The following ARHGEF10L variants were observed in gnomAD, a reference collection of about 807,000 sequenced individuals.
ARHGEF10L encodes rho guanine nucleotide exchange factor 10-like protein.
Under a neutral mutation model 141.2 loss-of-function variants are expected in ARHGEF10L, and 69 were observed. The observed-to-expected ratio is 0.49, with a 90% CI of 0.40 to 0.60. ARHGEF10L has a LOEUF of 0.60. Ranked by LOEUF, ARHGEF10L falls within the 20% of genes least tolerant of loss-of-function variation. The pLI is 0.00. For missense variants in ARHGEF10L, 1,482 were observed against 1,734.3 expected (o/e 0.85, Z 2.58); for synonymous variants, 711 against 718.5 (o/e 0.99, Z 0.17).
At chr1:17,675,061 G>C (rs535120916) in intron 26 of ARHGEF10L, among the ~76,000 whole-genome samples, 3 of 152,302 alleles carry the variant, frequency 2.0e-5, no homozygotes, top group African/African-American at 4.8e-5. Context: ...GCAATGTCCA[G>C]TTGGGAGCTG....
intron 1 of ARHGEF10L, among the ~76,000 whole-genome samples, chr1:17,559,226 T>C (rs2077456337): frequency 6.6e-6 from 1 of 152,246 alleles, no homozygotes; most frequent in Non-Finnish European, 1.5e-5. Context: ...CTATCTCATA[T>C]GGCTGTTGGG....
In ARHGEF10L at chr1:17,639,438, G is replaced by A. The variant is rs1226455053; in HGVS notation, c.2171+749G>A. Among the ~76,000 whole-genome samples, 2 of 152,208 alleles carry A rather than the reference G, an allele frequency of 1.3e-5. No individual in the cohort carries two copies. Among genetic ancestry groups the A allele is most frequent in the African/African-American group, 4.8e-5 (2 of 41,454 alleles). ...AGTGGCTGCAAGGAAGAGAAGGTTGGAGCACTATCATTTGAGGTAGGACCA... is the reference window on the plus strand; with the variant it reads ...AGTGGCTGCAAGGAAGAGAAGGTTGAAGCACTATCATTTGAGGTAGGACCA... On this transcript the variant is annotated intron_variant, in intron 20 of 28. Transcript: ENST00000361221. The surrounding 1 kb of genome is among the most constrained non-coding windows in gnomAD (Gnocchi z 4.3).
intron 19 of ARHGEF10L, among the ~76,000 whole-genome samples, chr1:17,638,307 G>A (rs11577701): frequency 0.12 from 18,594 of 152,242 alleles, 1,367 homozygotes; most frequent in African/African-American, 0.18. Flanking sequence ...CCTCTACCCA[G>A]TGTGGAGGGG....
In ARHGEF10L at chr1:17,697,431, C is replaced by A; in HGVS notation, c.*51C>A. ...ACAGCTGCAGGCCTGACCAAGGCCA[C>A]GCCCGGCTCTCGTGCTCTAGGACCT... is the stretch of plus-strand genomic sequence containing the variant. On this transcript the variant is annotated 3_prime_UTR_variant, in exon 29 of 29. Coordinates refer to ENST00000361221, the MANE Select transcript of ARHGEF10L (RefSeq NM_018125.4). The surrounding 1 kb of genome is among the most constrained non-coding windows in gnomAD (Gnocchi z 4.8). 1 of 1,533,036 alleles carries A rather than the reference C, an allele frequency of 6.5e-7. No homozygotes were observed. 95.0% of individuals were successfully genotyped at this position (1,533,036 alleles called of 1,614,324 possible).
intron 1 of ARHGEF10L, among the ~76,000 whole-genome samples, chr1:17,579,487 C>T (rs1278620605): frequency 6.6e-6 from 1 of 152,192 alleles, no homozygotes; most frequent in Non-Finnish European, 1.5e-5. Context: ...CATTCTTGGT[C>T]TCATTTTCTC....
intron 26 of ARHGEF10L, among the ~76,000 whole-genome samples, chr1:17,675,989 T>TGG (rs1558007313): frequency 7.1e-6 from 1 of 139,990 alleles, no homozygotes; most frequent in Admixed American, 7.0e-5. Flanking sequence ...GGTGCAGGTG[T>TGG]GTGCAGGTGT....
At chr1:17,588,744 A>G (rs1347539928) in intron 4 of ARHGEF10L, among the ~76,000 whole-genome samples, 1 of 151,860 alleles carries the variant, frequency 6.6e-6, no homozygotes, top group Non-Finnish European at 1.5e-5. Flanking sequence ...TGGAGGAGTC[A>G]CAGAAACTCT....
chr1:17,530,203 G>A, the ARHGEF10L span, among the ~76,000 whole-genome samples: 2 of 152,106 alleles, frequency 1.3e-5, no homozygotes, highest in Non-Finnish European at 2.9e-5. Flanking sequence ...CACCTGGGAT[G>A]TTTGTTGAAT....
At chr1:17,612,655 A>G (rs1231147144) in intron 7 of ARHGEF10L, among the ~76,000 whole-genome samples, 1 of 152,166 alleles carries the variant, frequency 6.6e-6, no homozygotes, top group Non-Finnish European at 1.5e-5. Flanking sequence ...TCTATCTCAC[A>G]AACTTACAGA....
intron 1 of ARHGEF10L, among the ~76,000 whole-genome samples, chr1:17,566,648 C>T (rs866155881): frequency 4.6e-5 from 7 of 152,174 alleles, no homozygotes; most frequent in Non-Finnish European, 7.3e-5. Context: ...AGTGTTGGGC[C>T]GGTCATCACA....
chr1:17,672,337 C>G (rs553588293), intron 26 of ARHGEF10L, among the ~76,000 whole-genome samples: 1 of 152,192 alleles, frequency 6.6e-6, no homozygotes, highest in South Asian at 2.1e-4. Context: ...TTTCTGTCTC[C>G]TATCTTATTT....
chr1:17,690,304 C>G (rs1398746799), intron 27 of ARHGEF10L, among the ~76,000 whole-genome samples: 1 of 152,248 alleles, frequency 6.6e-6, no homozygotes, highest in Non-Finnish European at 1.5e-5. Context: ...TCTTCCAGCT[C>G]TGACTGGGAG....
intron 26 of ARHGEF10L, among the ~76,000 whole-genome samples, chr1:17,675,989 T>TAG (rs2063662908): frequency 1.4e-5 from 2 of 139,962 alleles, no homozygotes; most frequent in Non-Finnish European, 1.6e-5. Flanking sequence ...GGTGCAGGTG[T>TAG]GTGCAGGTGT....
intron 1 of ARHGEF10L, among the ~76,000 whole-genome samples, chr1:17,563,897 G>T (rs891683479): frequency 2.0e-5 from 3 of 152,126 alleles, no homozygotes; most frequent in Non-Finnish European, 4.4e-5. Context: ...GAGAGCGTCT[G>T]ATTGTGGGAA....
the ARHGEF10L span, among the ~76,000 whole-genome samples, chr1:17,530,682 T>C: frequency 6.6e-6 from 1 of 152,126 alleles, no homozygotes. Context: ...TGCTTACCTT[T>C]CCGGACCTCA....
In ARHGEF10L at chr1:17,640,204, C is replaced by A; in HGVS notation, c.2174C>A (p.Ser725Tyr). 1 of 1,610,528 alleles carries A rather than the reference C, an allele frequency of 6.2e-7. No homozygotes were observed. Among genetic ancestry groups the A allele is most frequent in the Non-Finnish European group, 8.5e-7 (1 of 1,178,156 alleles). ...RLLLPGKPDK[S>Y]GRPISFMVVF... ...CACTCTAACCCTTCTCACCACAGGT[C>A]CGGCCGCCCCATTAGCTTCATGGTG... Residue 725 changes from serine to tyrosine, a missense_variant and splice_region_variant, in exon 21 of 29, where the codon TCC becomes TAC. Ser to Tyr is a moderately radical substitution (Grantham distance 144). Coordinates refer to ENST00000361221, the MANE Select transcript of ARHGEF10L (RefSeq NM_018125.4).
chr1:17,633,156 G>A (rs1244054556), intron 16 of ARHGEF10L, among the ~76,000 whole-genome samples: 1 of 152,210 alleles, frequency 6.6e-6, no homozygotes, highest in Admixed American at 6.5e-5. Context: ...GAGGCCACGT[G>A]GGCCTGGCAC....
intron 26 of ARHGEF10L, among the ~76,000 whole-genome samples, chr1:17,672,481 G>T (rs902538274): frequency 4.6e-5 from 7 of 152,198 alleles, no homozygotes; most frequent in Admixed American, 1.3e-4. Context: ...CCGAGGAGGA[G>T]CGCCTGGTGT....
chr1:17,531,141 A>C, the ARHGEF10L span, among the ~76,000 whole-genome samples: 7 of 152,360 alleles, frequency 4.6e-5, no homozygotes, highest in East Asian at 1.2e-3. Context: ...ATGCACAGTA[A>C]AAGTGGGGGC....
Sources: allele counts gnomAD v4.1 joint callset (sites outside exome capture counted in the v4.1 genomes callset), GRCh38; gene constraint gnomAD v4.1.1; non-coding constraint Gnocchi (gnomAD v3.1); transcripts MANE v1.5; gene names NCBI Gene and HGNC (gene_info 2026-07-23, HGNC 2026-07-21).